Variants in OXSR1 observed in about 807,000 individuals in gnomAD.
OXSR1 encodes oxidative stress responsive kinase 1, also known as serine/threonine-protein kinase OSR1.
Under a neutral mutation model 79.8 loss-of-function variants are expected in OXSR1, and 24 were observed. The observed-to-expected ratio is 0.30, with a 90% CI of 0.22 to 0.42. The LOEUF is 0.42. Ranked by LOEUF, OXSR1 falls within the 10% of genes least tolerant of loss-of-function variation. The pLI, the probability that OXSR1 is intolerant of heterozygous loss-of-function variation, is 1.00. For missense variants in OXSR1, 430 were observed against 618.4 expected (o/e 0.70, Z 3.23); for synonymous variants, 226 against 209.2 (o/e 1.08, Z -0.69).
At chr3:38,164,303 GC>G, upstream of OXSR1, among the ~76,000 whole-genome samples, 1 of 152,218 alleles carries the variant, frequency 6.6e-6, no homozygotes, top group South Asian at 2.1e-4. Context: ...CAGCCACCAC[GC>G]CCAGCGATTT....
intron 12 of OXSR1, 143 bp downstream of exon 12, chr3:38,242,921 G>T: frequency 4.5e-6 from 2 of 440,034 alleles, no homozygotes. Flanking sequence ...GTTGGCGTAA[G>T]GGCTCAGAAT....
intron 1 of OXSR1, among the ~76,000 whole-genome samples, chr3:38,167,272 T>C (rs1462618363): frequency 6.6e-6 from 1 of 152,230 alleles, no homozygotes; most frequent in African/African-American, 2.4e-5. Context: ...ATTGTAATTC[T>C]CACAGAAGCC....
At chr3:38,211,406 T>A (rs533304778) in intron 4 of OXSR1, among the ~76,000 whole-genome samples, 55 of 152,314 alleles carry the variant, frequency 3.6e-4, no homozygotes, top group African/African-American at 1.3e-3. Flanking sequence ...GGTGAATTAT[T>A]CCTTTTGTTC....
chr3:38,249,707 A>T (rs1286526543), intron 14 of OXSR1, among the ~76,000 whole-genome samples: 2 of 152,166 alleles, frequency 1.3e-5, no homozygotes, highest in Admixed American at 6.5e-5. Context: ...GAGTGGGCAT[A>T]TAAGAATCTA....
intron 4 of OXSR1, among the ~76,000 whole-genome samples, chr3:38,207,602 G>A (rs145693917): frequency 6.9e-4 from 105 of 152,284 alleles, no homozygotes; most frequent in Non-Finnish European, 8.2e-4. Context: ...TGGAGGCCAG[G>A]GATGCTGCTA....
chr3:38,190,695 C>A, intron 2 of OXSR1, 36 bp from the exon 3 acceptor site: 1 of 1,170,148 alleles, frequency 8.5e-7, no homozygotes, highest in South Asian at 1.2e-5. Context: ...TTTAGGCTTG[C>A]ATATAATGAA....
intron 1 of OXSR1, among the ~76,000 whole-genome samples, chr3:38,174,028 A>G (rs909618515): frequency 1.3e-5 from 2 of 152,232 alleles, no homozygotes; most frequent in African/African-American, 4.8e-5. Context: ...GCAGAGGACA[A>G]CAAGAACAAA....
intron 1 of OXSR1, among the ~76,000 whole-genome samples, chr3:38,169,800 G>A (rs1391335182): frequency 6.6e-6 from 1 of 150,608 alleles, no homozygotes; most frequent in Non-Finnish European, 1.5e-5. Context: ...GCAGTGTCAT[G>A]ATCAGGGCTC....
Position 38,254,999 on chromosome 3 carries a change from T to A in OXSR1, c.*2108T>A, listed in dbSNP as rs114471798. ...CACCATGTCCCAGGACAGTGTTACT[T>A]CTTCTGCATGATGTGTGGTAGACTC... On this transcript the variant is annotated 3_prime_UTR_variant, in exon 18 of 18. Coordinates refer to ENST00000311806, the MANE Select transcript of OXSR1 (RefSeq NM_005109.3). 239 of 152,802 alleles carry A rather than the reference T, an allele frequency of 1.6e-3. No homozygotes were observed. The highest frequency in any genetic ancestry group is 5.3e-3 in the African/African-American group (222 of 41,574). The allele number at this position is 152,802 out of a possible 1,614,324, so 9.5% of individuals were successfully genotyped here.
At chr3:38,200,090 A>C (rs1702136238) in intron 4 of OXSR1, among the ~76,000 whole-genome samples, 1 of 152,154 alleles carries the variant, frequency 6.6e-6, no homozygotes, top group Non-Finnish European at 1.5e-5. Context: ...TACCGGCTGT[A>C]CTGCATATGG....
At chr3:38,234,952 C>A (rs1702889123) in intron 10 of OXSR1, among the ~76,000 whole-genome samples, 1 of 152,206 alleles carries the variant, frequency 6.6e-6, no homozygotes, top group Non-Finnish European at 1.5e-5. Context: ...ATGACCCTTT[C>A]AAACATTATG....
intron 2 of OXSR1, among the ~76,000 whole-genome samples, chr3:38,183,558 C>G (rs1701826939): frequency 6.6e-6 from 1 of 152,146 alleles, no homozygotes; most frequent in East Asian, 1.9e-4. Context: ...ACAATGCTTG[C>G]TTTTCTATTC....
Position 38,215,785 on chromosome 3 carries a change from G to GA in OXSR1, c.435-304dup, listed in dbSNP as rs979204042. Among the ~76,000 whole-genome samples the GA allele has an allele frequency of 7.5e-4, 114 of 152,166 alleles. 1 individual carries two copies. The highest frequency in any genetic ancestry group is 1.8e-3 in the Admixed American group (27 of 15,278). ...AAATTTGATAATTCATTGGGGTATA[G>GA]AAAAAAATATATTTCAAAATGTAGA... On this transcript the variant is annotated intron_variant, in intron 4 of 17. Coordinates refer to ENST00000311806, the MANE Select transcript of OXSR1 (RefSeq NM_005109.3).
intron 12 of OXSR1, among the ~76,000 whole-genome samples, chr3:38,244,538 T>G (rs1703096201): frequency 6.6e-6 from 1 of 152,188 alleles, no homozygotes; most frequent in Admixed American, 6.6e-5. Context: ...TTTGTCATTT[T>G]GTGACCGGCC....
intron 8 of OXSR1, 41 bp downstream of exon 8, chr3:38,224,745 CA>C (rs1702656844): frequency 7.3e-7 from 1 of 1,377,446 alleles, no homozygotes; most frequent in Non-Finnish European, 9.9e-7. Context: ...TCTAATAAAA[CA>C]TTGTGAGAAG....
rs1702112848 is a variant in OXSR1 at position 38,198,870 on chromosome 3, A to G, written c.434+7A>G. 6.2e-7 allele frequency: 1 copy of G among 1,610,898 alleles called. No homozygotes were observed. Among genetic ancestry groups the G allele is most frequent in the African/African-American group, 1.3e-5 (1 of 74,778 alleles). On this transcript the variant is annotated splice_region_variant and intron_variant, in intron 4 of 17. Transcript: ENST00000311806. Reference sequence around the variant, plus strand: ...AAAATGGACAGATCCACAGGTATGTAAAAGACAATACTCTTGTGTTACATC... The same window carrying G: ...AAAATGGACAGATCCACAGGTATGTGAAAGACAATACTCTTGTGTTACATC...
chr3:38,171,074 G>C (rs1227339174), intron 1 of OXSR1, among the ~76,000 whole-genome samples: 1 of 152,094 alleles, frequency 6.6e-6, no homozygotes, highest in Non-Finnish European at 1.5e-5. Flanking sequence ...ACTGTGCCTG[G>C]CCAAGGGAAG....
chr3:38,195,656 C>T (rs751585642), intron 3 of OXSR1, among the ~76,000 whole-genome samples: 14 of 152,090 alleles, frequency 9.2e-5, no homozygotes, highest in Non-Finnish European at 1.9e-4. Flanking sequence ...AGGAAATTAA[C>T]TTGTTGATGG....
In OXSR1 at chr3:38,253,839, C is replaced by G; in HGVS notation, c.*948C>G. On this transcript the variant is annotated 3_prime_UTR_variant, in exon 18 of 18. Transcript: ENST00000311806. The stretch of plus-strand genomic sequence containing the variant: ...GATTTCTACAGCAATAAAGGAGACA[C>G]ACACTGGGCCAGAGAGGCCTGCCTT... 4.4e-6 allele frequency: 1 copy of G among 229,404 alleles called. No homozygotes were observed. Among genetic ancestry groups the G allele is most frequent in the Non-Finnish European group, 8.4e-6 (1 of 118,868 alleles). 14.2% of individuals were successfully genotyped at this position (229,404 alleles called of 1,614,324 possible).
Sources: gnomAD v4.1 joint callset for allele counts (sites outside exome capture counted in the v4.1 genomes callset) on GRCh38, gnomAD v4.1.1 for gene constraint, MANE v1.5 for transcripts, NCBI Gene and HGNC (gene_info 2026-07-23, HGNC 2026-07-21) for gene names.